Variants in RBFOX1 observed in about 807,000 individuals in gnomAD.
The protein encoded by RBFOX1 is RNA binding fox-1 homolog 1.
Under a neutral mutation model 57.7 loss-of-function variants are expected in RBFOX1, and 8 were observed. The ratio of observed to expected loss-of-function variants is 0.14; its 90% confidence interval spans 0.08 to 0.25. The LOEUF (loss-of-function observed/expected upper bound fraction) is 0.25. RBFOX1 is among the 10% of genes least tolerant of loss of function. RBFOX1 has a pLI of 1.00. For missense variants in RBFOX1, 611 were observed against 548.5 expected (o/e 1.11, Z -1.14); for synonymous variants, 326 against 222.4 (o/e 1.47, Z -4.15).
intron 3 of RBFOX1, among the ~76,000 whole-genome samples, chr16:5,727,800 G>C (rs1216042976): frequency 6.6e-6 from 1 of 152,118 alleles, no homozygotes; most frequent in Non-Finnish European, 1.5e-5. Flanking sequence ...TGATCCTCCT[G>C]CCTCAGCCTG....
intron 3 of RBFOX1, among the ~76,000 whole-genome samples, chr16:5,698,409 T>G (rs984427575): frequency 6.6e-6 from 1 of 152,184 alleles, no homozygotes; most frequent in South Asian, 2.1e-4. Flanking sequence ...TATTTTATGG[T>G]TATTGGCTTA....
chr16:5,929,857 A>G (rs872962), intron 4 of RBFOX1, among the ~76,000 whole-genome samples: 25,180 of 143,666 alleles, frequency 0.18, 2,363 homozygotes, highest in East Asian at 0.3. Context: ...GTACAAACAG[A>G]GTCTTCTGAG....
At chr16:7,383,663 C>A (rs1455422605) in intron 4 of RBFOX1, among the ~76,000 whole-genome samples, 2 of 152,102 alleles carry the variant, frequency 1.3e-5, no homozygotes, top group Non-Finnish European at 2.9e-5. Flanking sequence ...AAATAAGATG[C>A]AATATTATTC....
chr16:6,830,533 G>A (rs372480146), intron 3 of RBFOX1, among the ~76,000 whole-genome samples: 2 of 152,256 alleles, frequency 1.3e-5, no homozygotes, highest in Admixed American at 6.5e-5. Context: ...CCAGGGGACA[G>A]CTGGCAATAT....
chr16:6,863,944 T>A (rs1388134191), intron 3 of RBFOX1, among the ~76,000 whole-genome samples: 1 of 151,534 alleles, frequency 6.6e-6, no homozygotes, highest in Non-Finnish European at 1.5e-5. Context: ...CCCTCCTTCT[T>A]CCTTCTCTTG....
rs2081199203 is a variant in RBFOX1, at chr16:6,317,060, A to C, written c.-64+3A>C. 3.9e-6 allele frequency: 6 copies of C among 1,533,256 alleles called. No homozygotes were observed. The highest frequency in any genetic ancestry group is 2.4e-5 in the East Asian group (1 of 40,896). 95.0% of individuals were successfully genotyped at this position (1,533,256 alleles called of 1,614,324 possible). ...TCCTTGATCGGACTCAGCATTCAGT[A>C]AGTGCAACCCATTTTGAACATTCAT... On this transcript the variant is annotated splice_donor_region_variant and intron_variant, in intron 2 of 15. Coordinates refer to ENST00000550418, the MANE Select transcript of RBFOX1 (RefSeq NM_018723.4).
chr16:7,535,149 A>T (rs1344635028), intron 5 of RBFOX1, among the ~76,000 whole-genome samples: 1 of 152,144 alleles, frequency 6.6e-6, no homozygotes, highest in East Asian at 1.9e-4. Flanking sequence ...AATCTCCTTA[A>T]ATGTGATATT....
intron 1 of RBFOX1, among the ~76,000 whole-genome samples, chr16:5,241,969 G>A (rs1217114795): frequency 6.6e-6 from 1 of 151,954 alleles, no homozygotes; most frequent in Non-Finnish European, 1.5e-5. Context: ...TAAAATAAAA[G>A]CCAGGTATGG....
intron 4 of RBFOX1, among the ~76,000 whole-genome samples, chr16:7,247,953 C>G (rs2094368741): frequency 6.6e-6 from 1 of 152,096 alleles, no homozygotes; most frequent in Non-Finnish European, 1.5e-5. Flanking sequence ...GGCTTAATAC[C>G]TGGGTGATGA....
chr16:7,683,808 T>G (rs1266256411), intron 14 of RBFOX1, among the ~76,000 whole-genome samples: 1 of 151,304 alleles, frequency 6.6e-6, no homozygotes. Flanking sequence ...AGAATATACG[T>G]GCAAAGCCCT....
At chr16:7,621,116 A>T (rs1006442629) in intron 10 of RBFOX1, among the ~76,000 whole-genome samples, 1 of 152,134 alleles carries the variant, frequency 6.6e-6, no homozygotes, top group Non-Finnish European at 1.5e-5. Flanking sequence ...AGAGTTTGAG[A>T]AGCAAGGCCC....
chr16:6,408,372 T>C (rs1341837234), intron 2 of RBFOX1, among the ~76,000 whole-genome samples: 1 of 152,160 alleles, frequency 6.6e-6, no homozygotes, highest in African/African-American at 2.4e-5. Context: ...ATGTATTTAA[T>C]GTATGATTTC....
chr16:6,638,424 TA>T (rs1338927962), intron 2 of RBFOX1, among the ~76,000 whole-genome samples: 1 of 152,162 alleles, frequency 6.6e-6, no homozygotes, highest in Non-Finnish European at 1.5e-5. Context: ...AGGTGAGTTT[TA>T]AAATTCATCC....
chr16:7,650,003 G>GGAGGGAAGGACAGGA (rs1568279766), intron 11 of RBFOX1, among the ~76,000 whole-genome samples: 1 of 149,450 alleles, frequency 6.7e-6, no homozygotes, highest in Non-Finnish European at 1.5e-5. Context: ...AAAGGAAAAG[G>GGAGGGAAGGACAGGA]AGGAGGGAAG....
intron 3 of RBFOX1, among the ~76,000 whole-genome samples, chr16:6,719,578 C>G (rs1355990474): frequency 6.6e-6 from 1 of 151,466 alleles, no homozygotes; most frequent in Non-Finnish European, 1.5e-5. Flanking sequence ...GTAGCTGGGA[C>G]TACAGGTGCC....
chr16:5,625,535 G>GGTATTTAT (rs1555486495), intron 3 of RBFOX1, among the ~76,000 whole-genome samples: 1 of 143,068 alleles, frequency 7.0e-6, no homozygotes, highest in Non-Finnish European at 1.5e-5. Flanking sequence ...AATATTTTTT[G>GGTATTTAT]TTATTTATTT....
chr16:5,533,982 G>T lies in RBFOX1; in HGVS notation c.259-64920G>T, dbSNP rs149444696. 2.6e-5 allele frequency among the ~76,000 whole-genome samples: 4 copies of T among 152,266 alleles called. No homozygotes were observed. The East Asian group carries it at 7.7e-4, about 29-fold the overall frequency. On this transcript the variant is annotated intron_variant, in intron 2 of 2. Coordinates refer to the RBFOX1 transcript ENST00000585867. ...TGATGAGAAGCCCACACATTCGGAGGCTATGTTGCCAGGGTCAGTGTCCCC... is the reference window on the plus strand; with the variant it reads ...TGATGAGAAGCCCACACATTCGGAGTCTATGTTGCCAGGGTCAGTGTCCCC...
chr16:7,666,207 A>T (rs556965174), intron 13 of RBFOX1, among the ~76,000 whole-genome samples: 1 of 152,288 alleles, frequency 6.6e-6, no homozygotes, highest in Admixed American at 6.5e-5. Context: ...CCCAATCACC[A>T]GTCCTGGCTC....
In RBFOX1 at chr16:7,711,696, G is replaced by GC. The variant is rs2084025381; in HGVS notation, c.*951_*952insC. The GC allele has an allele frequency of 6.6e-6, 1 of 152,524 alleles. No homozygotes were observed. The highest frequency in any genetic ancestry group is 1.5e-5 in the Non-Finnish European group (1 of 68,018). 9.4% of individuals were successfully genotyped at this position (152,524 alleles called of 1,614,324 possible). ...AAATTTACATCTGTGCAGTGGAGTT[G>GC]TTAAGTTCTAGAAACAGTCTATGAA... On this transcript the variant is annotated 3_prime_UTR_variant, in exon 16 of 16. Coordinates refer to ENST00000550418, the MANE Select transcript of RBFOX1 (RefSeq NM_018723.4).
Sources: allele counts gnomAD v4.1 joint callset (sites outside exome capture counted in the v4.1 genomes callset), GRCh38; gene constraint gnomAD v4.1.1; transcripts MANE v1.5; gene names NCBI Gene and HGNC (gene_info 2026-07-23, HGNC 2026-07-21).